Variants in CADPS2 observed in about 807,000 individuals in gnomAD.
CADPS2 encodes calcium dependent secretion activator 2.
CADPS2 carries 93 observed loss-of-function variants against 172.5 expected under a neutral mutation model. The ratio of observed to expected loss-of-function variants is 0.54; its 90% confidence interval spans 0.46 to 0.64. The LOEUF is 0.64. Among genes scored for constraint, CADPS2 ranks in the 30% least tolerant of loss-of-function variants. The pLI is 0.00. For synonymous variants in CADPS2, 546 were observed against 555.2 expected (o/e 0.98, Z 0.23); for missense variants, 1,420 against 1,565.9 (o/e 0.91, Z 1.57).
chr7:122,696,588 C>T (rs73719746), intron 2 of CADPS2, among the ~76,000 whole-genome samples: 7,123 of 152,172 alleles, frequency 0.047, 565 homozygotes, highest in African/African-American at 0.16. Context: ...GAGCAACTCA[C>T]AAGATTCCTC....
Position 122,386,975 on chromosome 7 carries a change from C to G in CADPS2, c.3312+51G>C, listed in dbSNP as rs1001741377. On this transcript the variant is annotated intron_variant, in intron 24 of 29. Transcript: ENST00000449022. ...AATGCCTTGTGGAAAGGGCATTTCC[C>G]ATGCCAAGGCACCCTGTGCTGCCTT... 2.6e-6 allele frequency: 4 copies of G among 1,530,092 alleles called. No homozygotes were observed. The East Asian group carries it at 9.8e-5, about 38-fold the overall frequency. The allele number at this position is 1,530,092 out of a possible 1,614,324, so 94.8% of individuals were successfully genotyped here.
At chr7:122,377,263 T>G (rs1262841211) in intron 25 of CADPS2, among the ~76,000 whole-genome samples, 1 of 152,162 alleles carries the variant, frequency 6.6e-6, no homozygotes, top group Non-Finnish European at 1.5e-5. Flanking sequence ...TAGAATATCT[T>G]TTCCTTACTT....
intron 2 of CADPS2, among the ~76,000 whole-genome samples, chr7:122,721,650 A>G (rs541659160): frequency 2.0e-5 from 3 of 152,170 alleles, no homozygotes; most frequent in Non-Finnish European, 4.4e-5. Context: ...AACTATTCCA[A>G]TCAACAGAAA....
chr7:122,754,508 T>C (rs2138510556), intron 1 of CADPS2, among the ~76,000 whole-genome samples: 1 of 152,320 alleles, frequency 6.6e-6, no homozygotes, highest in Non-Finnish European at 1.5e-5. Context: ...AATGGAGTTT[T>C]GCTCATCACC....
At chr7:122,425,170 G>A (rs568406674) in intron 17 of CADPS2, among the ~76,000 whole-genome samples, 280 of 151,844 alleles carry the variant, frequency 1.8e-3, no homozygotes, top group Non-Finnish European at 3.5e-3. Flanking sequence ...TTATACAGAC[G>A]GGGTCTCACT....
At chr7:122,465,842 A>T (rs1410292972) in intron 14 of CADPS2, among the ~76,000 whole-genome samples, 1 of 152,188 alleles carries the variant, frequency 6.6e-6, no homozygotes, top group Non-Finnish European at 1.5e-5. Flanking sequence ...CCCAATCCTG[A>T]TAAAACCAGT....
chr7:122,638,490 G>A (rs557843751), intron 3 of CADPS2, among the ~76,000 whole-genome samples: 2 of 152,240 alleles, frequency 1.3e-5, no homozygotes, highest in East Asian at 3.9e-4. Flanking sequence ...TCTGTCAAGA[G>A]GGAGTAGAGC....
intron 25 of CADPS2, among the ~76,000 whole-genome samples, chr7:122,370,802 C>T (rs2041671151): frequency 6.6e-6 from 1 of 152,016 alleles, no homozygotes; most frequent in African/African-American, 2.4e-5. Flanking sequence ...AACTATGAAA[C>T]CAATAGAACT....
intron 2 of CADPS2, chr7:122,697,894 G>A: frequency 1.2e-6 from 2 of 1,613,800 alleles, no homozygotes; most frequent in South Asian, 1.1e-5. Flanking sequence ...GGTTCCTGCA[G>A]GAGAAACTTC....
chr7:122,368,136 C>A (rs2041224135), intron 25 of CADPS2: 1 of 152,398 alleles, frequency 6.6e-6, no homozygotes, highest in Non-Finnish European at 1.5e-5. Context: ...ACCTCGACCT[C>A]CCAACGTACT....
intron 9 of CADPS2, among the ~76,000 whole-genome samples, chr7:122,506,145 G>T (rs2059591503): frequency 6.6e-6 from 1 of 152,120 alleles, no homozygotes; most frequent in South Asian, 2.1e-4. Flanking sequence ...GTCACCACTT[G>T]CCAGGGAATT....
In CADPS2 at chr7:122,735,622, A is replaced by G. The variant is rs191233043; in HGVS notation, c.453+1333T>C. On this transcript the variant is annotated intron_variant, in intron 2 of 29. Coordinates refer to ENST00000449022, the MANE Select transcript of CADPS2 (RefSeq NM_017954.11). Reference sequence around the variant, plus strand: ...ATTCTAGGTTTACACAAAAGTTACAATGATAGTACAAAGAACTCCCTCATC... The same window carrying G: ...ATTCTAGGTTTACACAAAAGTTACAGTGATAGTACAAAGAACTCCCTCATC... Among the ~76,000 whole-genome samples the G allele has an allele frequency of 1.3e-3, 193 of 152,296 alleles. 2 individuals are homozygous for G. The highest frequency in any genetic ancestry group is 4.1e-3 in the African/African-American group (171 of 41,570).
chr7:122,618,277 A>C (rs2075192942), intron 5 of CADPS2, among the ~76,000 whole-genome samples: 1 of 152,066 alleles, frequency 6.6e-6, no homozygotes, highest in Non-Finnish European at 1.5e-5. Flanking sequence ...AAAAATCCTT[A>C]ATCCAGTAAG....
At chr7:122,325,076 G>A (rs1377412876) in intron 29 of CADPS2, among the ~76,000 whole-genome samples, 3 of 152,038 alleles carry the variant, frequency 2.0e-5, no homozygotes, top group Admixed American at 6.6e-5. Flanking sequence ...AAATAACTGA[G>A]ACTCTCCTTA....
At chr7:122,516,196 T>C (rs889064579) in intron 8 of CADPS2, among the ~76,000 whole-genome samples, 40 of 152,134 alleles carry the variant, frequency 2.6e-4, no homozygotes, top group Admixed American at 1.1e-3. Flanking sequence ...TAGCTGCTAT[T>C]TCACTGGTAT....
intron 2 of CADPS2, among the ~76,000 whole-genome samples, chr7:122,669,307 A>G (rs11768209): frequency 0.22 from 33,794 of 151,314 alleles, 4,063 homozygotes; most frequent in Non-Finnish European, 0.26. Flanking sequence ...CTCCAAACTG[A>G]GTGACAGAGT....
intron 11 of CADPS2, among the ~76,000 whole-genome samples, chr7:122,488,986 C>G (rs1284295599): frequency 1.3e-5 from 2 of 152,048 alleles, no homozygotes; most frequent in African/African-American, 4.8e-5. Context: ...GTGAAAACAT[C>G]AGAATGTGCT....
intron 8 of CADPS2, 55 bp downstream of exon 8, chr7:122,554,495 T>C: frequency 6.6e-7 from 1 of 1,505,698 alleles, no homozygotes; most frequent in South Asian, 1.3e-5. Flanking sequence ...ACAAAAATAA[T>C]ACACTGAAAT....
At chr7:122,392,445 TTA>T (rs2044499796) in intron 22 of CADPS2, among the ~76,000 whole-genome samples, 1 of 152,068 alleles carries the variant, frequency 6.6e-6, no homozygotes. Flanking sequence ...CATAATTGTT[TTA>T]GAGTTGAGGA....
Sources: gnomAD v4.1 joint callset for allele counts (sites outside exome capture counted in the v4.1 genomes callset) on GRCh38, gnomAD v4.1.1 for gene constraint, MANE v1.5 for transcripts, NCBI Gene and HGNC (gene_info 2026-07-23, HGNC 2026-07-21) for gene names.